Variants in SLCO3A1 observed in about 807,000 individuals in gnomAD.
The protein encoded by SLCO3A1 is solute carrier organic anion transporter family member 3A1.
Under a neutral mutation model 63.1 loss-of-function variants are expected in SLCO3A1, and 27 were observed. That is an observed-to-expected ratio of 0.43 (90% CI 0.32 to 0.59). SLCO3A1 has a LOEUF of 0.59. Among genes scored for constraint, SLCO3A1 ranks in the 20% least tolerant of loss-of-function variants. The probability of loss-of-function intolerance (pLI) is 0.09; values close to 1 mark genes in which losing one functional copy is unlikely to be tolerated. For synonymous variants in SLCO3A1, 473 were observed against 409.9 expected, an observed-to-expected ratio of 1.15 and a Z score of -1.86; for missense variants, 773 against 945.8, an observed-to-expected ratio of 0.82 and a Z score of 2.40.
chr15:91,938,028 A>G (rs2151396163), intron 2 of SLCO3A1, among the ~76,000 whole-genome samples: 1 of 152,158 alleles, frequency 6.6e-6, no homozygotes, highest in East Asian at 1.9e-4. Context: ...GGCTCAGAGG[A>G]AGCAATCAGG....
chr15:92,171,071 G>C (rs188450561), intron 10 of SLCO3A1: 5 of 152,302 alleles, frequency 3.3e-5, no homozygotes, highest in African/African-American at 1.2e-4. Context: ...GTAGCGCTGG[G>C]TCAAAGTCTA....
Position 92,128,784 on chromosome 15 carries a change from T to A in SLCO3A1, c.1512+295T>A, listed in dbSNP as rs372409705. Among the ~76,000 whole-genome samples the A allele has an allele frequency of 5.3e-5, 8 of 152,250 alleles. No homozygotes were observed. The South Asian group carries it at 1.7e-3, about 32-fold the overall frequency. Reference sequence around the variant, plus strand: ...CAAGGTACTTGCAGTGTCAATGAAATAGGATGTCTGCATGGGTAGTGAGCT... The same window carrying A: ...CAAGGTACTTGCAGTGTCAATGAAAAAGGATGTCTGCATGGGTAGTGAGCT... On this transcript the variant is annotated intron_variant, in intron 7 of 9. Transcript: ENST00000318445.
intron 7 of SLCO3A1, among the ~76,000 whole-genome samples, chr15:92,136,219 T>A (rs1844430808): frequency 1.3e-5 from 2 of 152,200 alleles, no homozygotes; most frequent in Admixed American, 6.5e-5. Flanking sequence ...CAAGTTTCCA[T>A]AGAAGGCTCG....
At chr15:91,922,324 A>G (rs1190987539) in intron 2 of SLCO3A1, among the ~76,000 whole-genome samples, 1 of 152,190 alleles carries the variant, frequency 6.6e-6, no homozygotes, top group Non-Finnish European at 1.5e-5. Flanking sequence ...GCCTGAATAC[A>G]CAGAACAAGT....
chr15:92,107,765 T>TG (rs923351583), intron 4 of SLCO3A1, among the ~76,000 whole-genome samples: 2 of 152,200 alleles, frequency 1.3e-5, no homozygotes, highest in African/African-American at 4.8e-5. Context: ...CCCTCTTCTC[T>TG]GGAACTTAGA....
At chr15:91,858,044 T>C (rs1896968005) in intron 1 of SLCO3A1, among the ~76,000 whole-genome samples, 1 of 152,226 alleles carries the variant, frequency 6.6e-6, no homozygotes, top group African/African-American at 2.4e-5. Context: ...TCACACTTTT[T>C]CTTTCAGCCT....
chr15:91,878,891 T>G (rs539216770), intron 1 of SLCO3A1, among the ~76,000 whole-genome samples: 47 of 152,354 alleles, frequency 3.1e-4, no homozygotes, highest in African/African-American at 1.1e-3. Context: ...GAATTTGGGC[T>G]TTTTTTCCTC....
At chr15:92,120,306 G>A (rs2047848130) in intron 4 of SLCO3A1, among the ~76,000 whole-genome samples, 159 bp from the exon 5 acceptor site, 1 of 152,098 alleles carries the variant, frequency 6.6e-6, no homozygotes, top group Non-Finnish European at 1.5e-5. Flanking sequence ...GATGACTTAT[G>A]GGGTGTAGAT....
intron 2 of SLCO3A1, among the ~76,000 whole-genome samples, chr15:92,044,277 T>A (rs1002294262): frequency 6.6e-6 from 1 of 152,150 alleles, no homozygotes; most frequent in African/African-American, 2.4e-5. Context: ...AGTCCTGGAA[T>A]GATGTGTACC....
chr15:92,162,623 C>G (rs1043720558), intron 9 of SLCO3A1, 133 bp from the exon 10 acceptor site: 2 of 1,420,648 alleles, frequency 1.4e-6, no homozygotes, highest in Non-Finnish European at 1.9e-6. Context: ...CGCTTTGCCT[C>G]CTGAGCATGT....
At chr15:91,938,473 G>GTTTTTTTTTT (rs1035027089) in intron 2 of SLCO3A1, among the ~76,000 whole-genome samples, 2 of 126,744 alleles carry the variant, frequency 1.6e-5, no homozygotes, top group African/African-American at 6.8e-5. Flanking sequence ...CTAAACATTG[G>GTTTTTTTTTT]TTTTTTTTGT....
chr15:92,087,237 T>C (rs906909969), intron 2 of SLCO3A1, among the ~76,000 whole-genome samples: 2 of 152,000 alleles, frequency 1.3e-5, no homozygotes, highest in Non-Finnish European at 2.9e-5. Context: ...CCAACTGTTT[T>C]GCAGTGCACA....
At chr15:92,039,312 T>C (rs1467508542) in intron 2 of SLCO3A1, among the ~76,000 whole-genome samples, 2 of 151,644 alleles carry the variant, frequency 1.3e-5, no homozygotes, top group Non-Finnish European at 2.9e-5. Flanking sequence ...GGAAGAAAAA[T>C]TTTGCAATCT....
intron 2 of SLCO3A1, among the ~76,000 whole-genome samples, chr15:92,042,502 T>C (rs1458747463): frequency 6.6e-6 from 1 of 152,114 alleles, no homozygotes; most frequent in African/African-American, 2.4e-5. Flanking sequence ...CTTAAGAGCA[T>C]TGTGACAGGC....
At chr15:92,109,985 T>C (rs1192328837) in intron 4 of SLCO3A1, among the ~76,000 whole-genome samples, 8 of 151,864 alleles carry the variant, frequency 5.3e-5, no homozygotes, top group Non-Finnish European at 1.0e-4. Context: ...CCTGTAAGGG[T>C]TCACTAAATT....
At position 91,862,889 on chromosome 15, in the gene SLCO3A1, C is replaced by G. The variant is rs1897081370; in HGVS notation, c.180+8801C>G. 6.6e-6 allele frequency among the ~76,000 whole-genome samples: 1 copy of G among 152,150 alleles called. No individual in the cohort carries two copies. The highest frequency in any genetic ancestry group is 2.4e-5 in the African/African-American group (1 of 41,426). ...ATGGGAATGGCTATTGTCTTTCACC[C>G]CCTTTGCAAGAGGCTTATGTAAAAT... On this transcript the variant is annotated intron_variant, in intron 1 of 9. Coordinates refer to ENST00000318445, the MANE Select transcript of SLCO3A1 (RefSeq NM_013272.4). The surrounding 1 kb of genome is among the most constrained non-coding windows in gnomAD (Gnocchi z 4.0).
rs959010116 is a variant in SLCO3A1 at position 91,882,814 on chromosome 15, G to A, written c.180+28726G>A. Among the ~76,000 whole-genome samples the A allele has an allele frequency of 3.9e-5, 6 of 152,154 alleles. No homozygotes were observed. The highest frequency in any genetic ancestry group is 9.7e-5 in the African/African-American group (4 of 41,428). ...TGAGATTACAGGTGTGAGCTACCGC[G>A]CCCAGCCATGACTTCTTAATCCCAC... On this transcript the variant is annotated intron_variant, in intron 1 of 9. Coordinates refer to ENST00000318445, the MANE Select transcript of SLCO3A1 (RefSeq NM_013272.4). This position sits in a 1 kb window ranked among gnomAD's most constrained non-coding sequence, Gnocchi z 4.4.
intron 2 of SLCO3A1, among the ~76,000 whole-genome samples, chr15:92,090,535 T>C (rs4984337): frequency 0.72 from 109,574 of 152,086 alleles, 39,589 homozygotes; most frequent in Admixed American, 0.8. Context: ...AGTGTGCCAA[T>C]GTGCTTGGCT....
chr15:92,016,431 A>T (rs954929297), intron 2 of SLCO3A1, among the ~76,000 whole-genome samples: 2 of 152,056 alleles, frequency 1.3e-5, no homozygotes, highest in African/African-American at 4.8e-5. Context: ...GGGATTATAG[A>T]CTTGAGCCAC....
Sources: gnomAD v4.1 joint callset for allele counts (sites outside exome capture counted in the v4.1 genomes callset) on GRCh38, gnomAD v4.1.1 for gene constraint, Gnocchi (gnomAD v3.1) non-coding constraint, MANE v1.5 for transcripts, NCBI Gene and HGNC (gene_info 2026-07-23, HGNC 2026-07-21) for gene names.